CPA1: variants seen among roughly 807,000 people sequenced by gnomAD.
The protein encoded by CPA1 is carboxypeptidase A1 (pancreatic).
CPA1 carries 42 observed loss-of-function variants against 48.7 expected under a neutral mutation model. The observed-to-expected ratio is 0.86, with a 90% confidence interval of 0.67 to 1.11. The LOEUF (loss-of-function observed/expected upper bound fraction) is 1.11. Ranked by LOEUF, CPA1 falls within the 50% of genes most tolerant of loss-of-function variation. The pLI is 0.00. For missense variants in CPA1, 477 were observed against 544.7 expected (o/e 0.88, Z 1.24); for synonymous variants, 203 against 217.9 (o/e 0.93, Z 0.60).
intron 9 of CPA1, among the ~76,000 whole-genome samples, chr7:130,386,299 G>A (rs1796473726): frequency 6.6e-6 from 1 of 152,080 alleles, no homozygotes; most frequent in Non-Finnish European, 1.5e-5. Context: ...TTGGGAGGCT[G>A]AGGTGGGCGG....
At chr7:130,383,954 T>C in intron 6 of CPA1, 160 bp downstream of exon 6, 1 of 643,712 alleles carries the variant, frequency 1.6e-6, no homozygotes, top group Non-Finnish European at 2.8e-6. Context: ...TGATTGGCAT[T>C]TGGGGTGAAT....
At chr7:130,382,297 G>A in intron 4 of CPA1, 88 bp downstream of exon 4, 2 of 1,012,830 alleles carry the variant, frequency 2.0e-6, no homozygotes, top group South Asian at 1.4e-5. Flanking sequence ...GGAAATCATG[G>A]TACCAGGGAA....
chr7:130,381,953 TG>T (rs1232817662), intron 3 of CPA1, 90 bp downstream of exon 3: 45 of 1,306,862 alleles, frequency 3.4e-5, no homozygotes, highest in Middle Eastern at 1.9e-4. Context: ...AGGGCCAGCC[TG>T]GGTGTGCGCA....
At chr7:130,382,794 C>G (rs1796423952) in intron 4 of CPA1, among the ~76,000 whole-genome samples, 1 of 152,078 alleles carries the variant, frequency 6.6e-6, no homozygotes, top group Non-Finnish European at 1.5e-5. Flanking sequence ...CAGGCGCCTG[C>G]CACCACGCCC....
rs1260418233 is a variant in CPA1 at position 130,381,812 on chromosome 7, G to T, written c.330G>T (p.Arg110=). The part of the protein sequence containing the change: ...EQEQMFAFRS[R]ARSTDTFNYA... Reference sequence around the variant, plus strand: ...AGCAGATGTTCGCCTTCCGGTCCCGGGCGCGCTCCACCGACACTTTTAACT... The same window carrying T: ...AGCAGATGTTCGCCTTCCGGTCCCGTGCGCGCTCCACCGACACTTTTAACT... Residue 110 remains arginine (R), a synonymous_variant, in exon 3 of 10, where the codon CGG becomes CGT. Coordinates refer to ENST00000011292, the MANE Select transcript of CPA1 (RefSeq NM_001868.4). The T allele has an allele frequency of 6.2e-7, 1 of 1,613,994 alleles. No individual in the cohort carries two copies. The highest frequency in any genetic ancestry group is 1.3e-5 in the African/African-American group (1 of 74,924).
chr7:130,381,479 T>TA (rs1267150317), intron 2 of CPA1, 151 bp from the exon 3 acceptor site: 1 of 634,092 alleles, frequency 1.6e-6, no homozygotes, highest in East Asian at 2.7e-5. Context: ...GGTTTCCCCG[T>TA]ATTTCTCTGG....
At chr7:130,382,624 C>T (rs373071650) in intron 4 of CPA1, among the ~76,000 whole-genome samples, 11 of 140,438 alleles carry the variant, frequency 7.8e-5, no homozygotes, top group African/African-American at 2.2e-4. Flanking sequence ...CCACCATGCC[C>T]GGGTAATTTT....
intron 3 of CPA1, 71 bp downstream of exon 3, chr7:130,381,934 G>A: frequency 6.9e-7 from 1 of 1,449,354 alleles, no homozygotes; most frequent in Non-Finnish European, 9.5e-7. Flanking sequence ...ACGCGGTAGG[G>A]CCAAGGCCAG....
chr7:130,384,797 T>G, intron 7 of CPA1, 171 bp downstream of exon 7: 1 of 635,534 alleles, frequency 1.6e-6, no homozygotes, highest in Non-Finnish European at 2.7e-6. Flanking sequence ...GAGTTGGTTG[T>G]TACTCGCCTG....
Position 130,385,145 on chromosome 7 carries a change from G to C in CPA1, c.788-1G>C, listed in dbSNP as rs1554411802. 1 of 1,614,124 alleles carries C rather than the reference G, an allele frequency of 6.2e-7. No homozygotes were observed. Among genetic ancestry groups the C allele is most frequent in the South Asian group, 1.1e-5 (1 of 91,084 alleles). Reference sequence around the variant, plus strand: ...CCGCCATGCCCTCTGTCCCCCCACAGTGTCCGGAGCCAGCAGTAACCCCTG... The same window carrying C: ...CCGCCATGCCCTCTGTCCCCCCACACTGTCCGGAGCCAGCAGTAACCCCTG... On this transcript the variant is annotated splice_acceptor_variant, in intron 7 of 9. Coordinates refer to ENST00000011292, the MANE Select transcript of CPA1 (RefSeq NM_001868.4). LOFTEE classifies it high-confidence loss of function.
Position 130,381,865 on chromosome 7 carries a change from T to C in CPA1, c.381+2T>C. 6.2e-7 allele frequency: 1 copy of C among 1,612,366 alleles called. No individual in the cohort carries two copies. Among genetic ancestry groups the C allele is most frequent in the Non-Finnish European group, 8.5e-7 (1 of 1,179,466 alleles). ...GCCACCTACCACACCCTGGAGGAGG[T>C]GAGGGCGCCCCTAGCGGCCGCTCCC... On this transcript the variant is annotated splice_donor_variant, in intron 3 of 9. Coordinates refer to ENST00000011292, the MANE Select transcript of CPA1 (RefSeq NM_001868.4). LOFTEE classifies it high-confidence loss of function.
chr7:130,386,393 G>A (rs1554412036), intron 9 of CPA1, among the ~76,000 whole-genome samples: 1 of 151,952 alleles, frequency 6.6e-6, no homozygotes, highest in South Asian at 2.1e-4. Context: ...TTAGCTGGGT[G>A]TGGTGGTGTG....
In CPA1 at chr7:130,387,095, T is replaced by C. The variant is rs1554412149; in HGVS notation, c.1073-729T>C. Among the ~76,000 whole-genome samples the C allele has an allele frequency of 6.6e-6, 1 of 152,094 alleles. No individual in the cohort carries two copies. Among genetic ancestry groups the C allele is most frequent in the East Asian group, 1.9e-4 (1 of 5,182 alleles). On this transcript the variant is annotated intron_variant, in intron 9 of 9. Transcript: ENST00000011292. This position sits in a 1 kb window ranked among gnomAD's most constrained non-coding sequence, Gnocchi z 4.6. ...ACTGGTGTGGCTGCCTCCAAGTAAGTGAAGGTCAAAGCTGGGTAGAAGGCT... is the reference window on the plus strand; with the variant it reads ...ACTGGTGTGGCTGCCTCCAAGTAAGCGAAGGTCAAAGCTGGGTAGAAGGCT...
At chr7:130,380,927 G>C (rs1420876345) in intron 1 of CPA1, 171 bp from the exon 2 acceptor site, 5 of 627,562 alleles carry the variant, frequency 8.0e-6, no homozygotes, top group Non-Finnish European at 1.2e-5. Flanking sequence ...AAGAGGTGAG[G>C]GAGCCCAGGC....
At chr7:130,386,133 G>A (rs1157722856) in intron 9 of CPA1, among the ~76,000 whole-genome samples, 2 of 152,132 alleles carry the variant, frequency 1.3e-5, no homozygotes, top group Admixed American at 6.5e-5. Flanking sequence ...GAATTCCTCT[G>A]ACAGCTCTTG....
chr7:130,383,605 G>A (rs539608557), intron 5 of CPA1, 79 bp from the exon 6 acceptor site: 2 of 1,414,932 alleles, frequency 1.4e-6, no homozygotes, highest in African/African-American at 2.8e-5. Flanking sequence ...CAGAGGACAT[G>A]GGGAAAGGTG....
At chr7:130,383,286 C>A in intron 4 of CPA1, 105 bp from the exon 5 acceptor site, 1 of 829,166 alleles carries the variant, frequency 1.2e-6, no homozygotes, top group Non-Finnish European at 2.1e-6. Context: ...CTGAGATACA[C>A]AGAGAGCAGG....
At chr7:130,380,857 A>G in intron 1 of CPA1, 1 of 585,764 alleles carries the variant, frequency 1.7e-6, no homozygotes, top group East Asian at 2.9e-5. Flanking sequence ...GAACAGAGAA[A>G]TAGTCCAAAC....
At chr7:130,382,622 C>T (rs1796421162) in intron 4 of CPA1, among the ~76,000 whole-genome samples, 1 of 147,806 alleles carries the variant, frequency 6.8e-6, no homozygotes, top group Non-Finnish European at 1.5e-5. Context: ...TGCCACCATG[C>T]CCGGGTAATT....
Sources: gnomAD v4.1 joint callset for allele counts (sites outside exome capture counted in the v4.1 genomes callset) on GRCh38, gnomAD v4.1.1 for gene constraint, Gnocchi (gnomAD v3.1) non-coding constraint, MANE v1.5 for transcripts, NCBI Gene and HGNC (gene_info 2026-07-23, HGNC 2026-07-21) for gene names.